The following INO80E variants were observed in gnomAD, a reference collection of about 807,000 sequenced individuals.
INO80E encodes the protein INO80 complex subunit E, also known as coiled-coil domain containing 95.
A neutral mutation model predicts 27.3 loss-of-function variants in INO80E; 20 were observed. That is an observed-to-expected ratio of 0.73 (90% confidence interval 0.51 to 1.06). The LOEUF (loss-of-function observed/expected upper bound fraction) is 1.06. Ranked by LOEUF, INO80E falls within the 50% of genes least tolerant of loss-of-function variation. The pLI is 0.00. For synonymous variants in INO80E, 167 were observed against 145.9 expected (o/e 1.14, Z -1.04); for missense variants, 357 against 322.8 (o/e 1.11, Z -0.81).
At chr16:29,996,706 G>A (rs1403240088) in intron 2 of INO80E, 89 bp downstream of exon 2, 2 of 1,589,018 alleles carry the variant, frequency 1.3e-6, no homozygotes, top group East Asian at 2.2e-5. Context: ...CAAGTGCATG[G>A]GCTCTTTCAA....
At chr16:30,000,896 G>C (rs759198651) in intron 4 of INO80E, 33 bp from the exon 5 acceptor site, 7 of 1,611,500 alleles carry the variant, frequency 4.3e-6, no homozygotes, top group Non-Finnish European at 5.9e-6. Context: ...TGGGCTCCTA[G>C]CCACATCTGA....
intron 6 of INO80E, among the ~76,000 whole-genome samples, chr16:30,004,814 C>T (rs1235374297): frequency 6.6e-6 from 1 of 152,132 alleles, no homozygotes; most frequent in Non-Finnish European, 1.5e-5. Context: ...GTGAGTGCCG[C>T]AGAAGAGGGA....
chr16:29,996,909 A>C (rs761295725), intron 3 of INO80E, 49 bp downstream of exon 3: 1 of 1,582,142 alleles, frequency 6.3e-7, no homozygotes, highest in South Asian at 1.1e-5. Flanking sequence ...CCTGGTACTT[A>C]GCAAGCTTCC....
At chr16:29,997,144 G>A (rs1029938780) in intron 3 of INO80E, among the ~76,000 whole-genome samples, 2 of 152,342 alleles carry the variant, frequency 1.3e-5, no homozygotes, top group Admixed American at 6.5e-5. Context: ...AGTAAATGAA[G>A]ACAATAGACT....
rs770105776 is a variant in INO80E, at chr16:30,001,541, G to T, written c.513+11G>T. The T allele has an allele frequency of 2.8e-5, 45 of 1,609,872 alleles. No homozygotes were observed. The highest frequency in any genetic ancestry group is 2.3e-4 in the Admixed American group (14 of 59,588). ...CCCCGGAAACTCAAGGTACCCTGAC[G>T]TGGGGGTGCTAGGGAGGGGCAGGAC... is the stretch of plus-strand genomic sequence containing the variant. On this transcript the variant is annotated intron_variant, in intron 6 of 6. Transcript: ENST00000563197.
In INO80E at chr16:30,001,496, G is replaced by A. The variant is rs766315977; in HGVS notation, c.479G>A (p.Arg160Gln). ...LPEPSPLRPK[R>Q]EKRPRLPRKL... ...GAGCCCAGTCCCCTGAGGCCCAAGC[G>A]GGAGAAACGGCCCCGCCTGCCCCGG... is the stretch of plus-strand genomic sequence containing the variant. The change falls in exon 6 of 7, where the codon CGG becomes CAG. Residue 160 changes from arginine (R) to glutamine (Q), a missense_variant. Transcript: ENST00000563197. The A allele has an allele frequency of 6.8e-6, 11 of 1,612,902 alleles. No individual in the cohort carries two copies. Among genetic ancestry groups the A allele is most frequent in the South Asian group, 1.1e-5 (1 of 90,966 alleles).
In INO80E at chr16:30,005,629, A is replaced by C; in HGVS notation, c.*187A>C. ...GAGGGTGGCAGGGGCCCTGCCTTCA[A>C]ACCCCGGCCCCCTCCAGGGGACAGT... On this transcript the variant is annotated 3_prime_UTR_variant, in exon 7 of 7. Coordinates refer to ENST00000563197, the MANE Select transcript of INO80E (RefSeq NM_173618.3). 6 of 614,074 alleles carry C rather than the reference A, an allele frequency of 9.8e-6. No homozygotes were observed. The highest frequency in any genetic ancestry group is 1.7e-5 in the Non-Finnish European group (6 of 353,086). 38.0% of individuals were successfully genotyped at this position (614,074 alleles called of 1,614,324 possible). A position where few individuals can be genotyped will look rare whatever the true frequency, so the allele number is the denominator to read the frequency against.
At chr16:29,998,922 G>A (rs1215898379) in intron 3 of INO80E, among the ~76,000 whole-genome samples, 4 of 152,080 alleles carry the variant, frequency 2.6e-5, no homozygotes, top group Non-Finnish European at 2.9e-5. Flanking sequence ...GCGGGCGCCT[G>A]TAGTCCCAGC....
intron 3 of INO80E, 46 bp from the exon 4 acceptor site, chr16:30,000,712 G>GGACTGGGATC: frequency 6.6e-7 from 1 of 1,513,068 alleles, no homozygotes; most frequent in Non-Finnish European, 9.2e-7. Flanking sequence ...TTTCTGGGAT[G>GGACTGGGATC]GACTGGGATC....
chr16:29,997,884 C>A lies in INO80E; in HGVS notation c.205+1024C>A, dbSNP rs116435360. On this transcript the variant is annotated intron_variant, in intron 3 of 6. Transcript: ENST00000563197. Reference sequence around the variant, plus strand: ...GAGTTGGGACCAGAGAAGAAACCAGCCTTCCATCCTGGGCAACATAGTGAG... The same window carrying A: ...GAGTTGGGACCAGAGAAGAAACCAGACTTCCATCCTGGGCAACATAGTGAG... Among the ~76,000 whole-genome samples the A allele has an allele frequency of 6.1e-3, 930 of 152,022 alleles. 7 individuals carry two copies. The highest frequency in any genetic ancestry group is 0.021 in the African/African-American group (874 of 41,426).
intron 3 of INO80E, among the ~76,000 whole-genome samples, chr16:30,000,533 G>GT (rs1280454911): frequency 6.6e-6 from 1 of 152,122 alleles, no homozygotes; most frequent in East Asian, 1.9e-4. Context: ...TCGGATAATT[G>GT]TTTTTGTTTT....
chr16:29,996,923 GC>G, intron 3 of INO80E, 63 bp downstream of exon 3: 2 of 1,533,946 alleles, frequency 1.3e-6, no homozygotes, highest in Non-Finnish European at 1.8e-6. Flanking sequence ...AGCTTCCTGG[GC>G]CCCCGCCTTT....
intron 6 of INO80E, 85 bp downstream of exon 6, chr16:30,001,615 A>C: frequency 7.7e-7 from 1 of 1,306,042 alleles, no homozygotes; most frequent in Non-Finnish European, 1.1e-6. Context: ...GGCCTGTCAG[A>C]GAACCATGAA....
intron 5 of INO80E, 73 bp downstream of exon 5, chr16:30,001,113 G>A (rs563844908): frequency 2.3e-5 from 34 of 1,481,356 alleles, no homozygotes; most frequent in Admixed American, 6.9e-5. Flanking sequence ...GCTGGGCCTC[G>A]GGGCAAGGCC....
rs923700412 is a variant in INO80E at position 30,005,645 on chromosome 16, AG to A, written c.*207del. The A allele has an allele frequency of 1.3e-3, 775 of 593,504 alleles. 6 individuals carry two copies. Among genetic ancestry groups the A allele is most frequent in the African/African-American group, 0.012 (612 of 52,230 alleles). 36.8% of individuals were successfully genotyped at this position (593,504 alleles called of 1,614,324 possible). A position where few individuals can be genotyped will look rare whatever the true frequency, so the allele number is the denominator to read the frequency against. On this transcript the variant is annotated 3_prime_UTR_variant, in exon 7 of 7. Transcript: ENST00000563197. Reference sequence around the variant, plus strand: ...CTGCCTTCAAACCCCGGCCCCCTCCAGGGGACAGTTATTTAAACGAGTGGCC... The same window carrying A: ...CTGCCTTCAAACCCCGGCCCCCTCCAGGGACAGTTATTTAAACGAGTGGCC...
At chr16:30,001,812 C>T (rs781693633) in intron 6 of INO80E, 50 of 421,104 alleles carry the variant, frequency 1.2e-4, no homozygotes, top group Non-Finnish European at 1.9e-4. Context: ...CCCAGGGGGG[C>T]GTGTTGTGTG....
In INO80E at chr16:29,996,842, G is replaced by A. The variant is rs781341435; in HGVS notation, c.187G>A (p.Val63Met). Residue 63 changes from valine (V) to methionine (M), a missense_variant, in exon 3 of 7, where the codon GTG becomes ATG. Val to Met is a conservative substitution (Grantham distance 21, BLOSUM62 1). Transcript: ENST00000563197. The stretch of plus-strand genomic sequence containing the variant: ...AGACCGACTTCTGCAGTACGAGAAC[G>A]TGGATGAAGACTCTTCGGGTGAGCA... ...LLDRLLQYEN[V>M]DEDSSDSDAT... 6.2e-7 allele frequency: 1 copy of A among 1,614,134 alleles called. No homozygotes were observed. The highest frequency in any genetic ancestry group is 1.6e-4 in the Middle Eastern group (1 of 6,062).
intron 6 of INO80E, chr16:30,001,914 C>T: frequency 5.0e-6 from 1 of 198,796 alleles, no homozygotes; most frequent in South Asian, 1.0e-4. Context: ...GAGCAGGTCT[C>T]TGCTACCCTC....
At position 29,996,920 on chromosome 16, in the gene INO80E, TG is replaced by T. The variant is rs1264493454; in HGVS notation, c.205+63del. 9.1e-6 allele frequency: 14 copies of T among 1,542,054 alleles called. No individual in the cohort carries two copies. In the Admixed American group the frequency reaches 1.8e-4, roughly 20 times the overall value. ...GGTTCCTGGTACTTAGCAAGCTTCCTGGGCCCCCGCCTTTTAGGCAGTGGTG... is the reference window on the plus strand; with the variant it reads ...GGTTCCTGGTACTTAGCAAGCTTCCTGGCCCCCGCCTTTTAGGCAGTGGTG... On this transcript the variant is annotated intron_variant, in intron 3 of 6. Transcript: ENST00000563197.
Sources: gnomAD v4.1 joint callset for allele counts (sites outside exome capture counted in the v4.1 genomes callset) on GRCh38, gnomAD v4.1.1 for gene constraint, MANE v1.5 for transcripts, NCBI Gene and HGNC (gene_info 2026-07-23, HGNC 2026-07-21) for gene names.